The following PARD3B variants were observed in gnomAD, a reference collection of about 807,000 sequenced individuals.
PARD3B encodes par-3 family cell polarity regulator beta, also known as partitioning defective 3 homolog B.
Under a neutral mutation model 130.2 loss-of-function variants are expected in PARD3B, and 103 were observed. That is an observed-to-expected ratio of 0.79 (90% CI 0.67 to 0.93). The LOEUF is 0.93. Ranked by LOEUF, PARD3B falls within the 40% of genes least tolerant of loss-of-function variation. The pLI, the probability that PARD3B is intolerant of heterozygous loss-of-function variation, is 0.00. For missense variants in PARD3B, 1,609 were observed against 1,499.2 expected (o/e 1.07, Z -1.21); for synonymous variants, 583 against 553.2 (o/e 1.05, Z -0.76).
At chr2:205,044,656 T>G (rs1698641177) in intron 3 of PARD3B, among the ~76,000 whole-genome samples, 1 of 152,206 alleles carries the variant, frequency 6.6e-6, no homozygotes, top group African/African-American at 2.4e-5. Flanking sequence ...TGGGGTTGTT[T>G]TTTTCTTGTA....
Position 205,345,788 on chromosome 2 carries a change from A to G in PARD3B, c.2630+44087A>G, listed in dbSNP as rs2043731538. ...TTCTCTGGAGAAACTGAATAGTTAC[A>G]AGGGCACAGTGGCAATTATGATGCT... is the stretch of plus-strand genomic sequence containing the variant. On this transcript the variant is annotated intron_variant, in intron 18 of 22. Coordinates refer to ENST00000406610, the MANE Select transcript of PARD3B (RefSeq NM_001302769.2). 2.9e-5 allele frequency among the ~76,000 whole-genome samples: 2 copies of G among 68,786 alleles called. 1 individual carries two copies. Among genetic ancestry groups the G allele is most frequent in the African/African-American group, 6.6e-5 (2 of 30,488 alleles). The allele number at this position is 68,786 out of a possible 152,430, so 45.1% of individuals were successfully genotyped here. A position where few individuals can be genotyped will look rare whatever the true frequency, so the allele number is the denominator to read the frequency against.
In PARD3B at chr2:205,116,672, A is replaced by G. The variant is rs2029871106; in HGVS notation, c.681-2249A>G. On this transcript the variant is annotated intron_variant, in intron 6 of 22. Transcript: ENST00000406610. The surrounding 1 kb of genome is among the most constrained non-coding windows in gnomAD (Gnocchi z 4.5). ...GAGGATAATGAGGTATTGTTTTCTGAGCCTTCTTGTATTGGTCTGGATGAA... is the reference window on the plus strand; with the variant it reads ...GAGGATAATGAGGTATTGTTTTCTGGGCCTTCTTGTATTGGTCTGGATGAA... Among the ~76,000 whole-genome samples, 1 of 152,110 alleles carries G rather than the reference A, an allele frequency of 6.6e-6. No homozygotes were observed. The highest frequency in any genetic ancestry group is 2.4e-5 in the African/African-American group (1 of 41,424).
chr2:205,182,969 G>A (rs1465932124), intron 13 of PARD3B, among the ~76,000 whole-genome samples: 1 of 152,194 alleles, frequency 6.6e-6, no homozygotes, highest in East Asian at 1.9e-4. Context: ...TAGGGACAAA[G>A]AGGCCCTAGC....
chr2:205,031,849 C>A (rs1368679209), intron 3 of PARD3B, among the ~76,000 whole-genome samples: 1 of 152,148 alleles, frequency 6.6e-6, no homozygotes, highest in Admixed American at 6.6e-5. Context: ...TAAGCTTTCT[C>A]GTTCTGATAA....
At position 205,036,513 on chromosome 2, in the gene PARD3B, AATAT is replaced by A. The variant is rs756008004; in HGVS notation, c.395-11060_395-11057del. Among the ~76,000 whole-genome samples the A allele has an allele frequency of 6.3e-4, 93 of 148,718 alleles. 2 individuals are homozygous for A. Among genetic ancestry groups the A allele is most frequent in the Admixed American group, 2.8e-3 (41 of 14,758 alleles). ...AACATATAGCAGACTATATATAAAA[AATAT>A]ATATATAGCAGACTATATATACAAA... is the stretch of plus-strand genomic sequence containing the variant. On this transcript the variant is annotated intron_variant, in intron 3 of 22. Coordinates refer to ENST00000406610, the MANE Select transcript of PARD3B (RefSeq NM_001302769.2).
chr2:205,190,606 G>A (rs1228000787), intron 14 of PARD3B, among the ~76,000 whole-genome samples: 1 of 152,124 alleles, frequency 6.6e-6, no homozygotes, highest in African/African-American at 2.4e-5. Flanking sequence ...TCCCAGCTTT[G>A]CCCCTGGCCA....
chr2:205,101,438 A>G (rs570401877), intron 4 of PARD3B, among the ~76,000 whole-genome samples: 2 of 152,338 alleles, frequency 1.3e-5, no homozygotes, highest in South Asian at 4.1e-4. Flanking sequence ...GCTGGTAAGA[A>G]TGGCAAATTA....
rs1474523948 is a variant in PARD3B, at chr2:205,563,665, A to G, written c.3260+10262A>G. Among the ~76,000 whole-genome samples the G allele has an allele frequency of 6.6e-6, 1 of 150,730 alleles. No homozygotes were observed. Among genetic ancestry groups the G allele is most frequent in the Non-Finnish European group, 1.5e-5 (1 of 67,508 alleles). ...CCTACGGGTTGTAAAAAAAAAAAGT[A>G]ATAAAATACAAGAAAATAGTAGGGA... On this transcript the variant is annotated intron_variant, in intron 22 of 22. Coordinates refer to ENST00000406610, the MANE Select transcript of PARD3B (RefSeq NM_001302769.2). This position sits in a 1 kb window ranked among gnomAD's most constrained non-coding sequence, Gnocchi z 4.2.
rs1158362102 is a variant in PARD3B, at chr2:204,749,737, G to T, written c.222+63455G>T. ...AAAAACATGTGGGCTAACTGGGCTT[G>T]CGAAGATTCTAATATAATACTTTCT... On this transcript the variant is annotated intron_variant, in intron 2 of 22. Coordinates refer to ENST00000406610, the MANE Select transcript of PARD3B (RefSeq NM_001302769.2). Among the ~76,000 whole-genome samples the T allele has an allele frequency of 2.6e-5, 4 of 152,246 alleles. No homozygotes were observed. The East Asian group carries it at 7.7e-4, about 29-fold the overall frequency.
At chr2:205,279,111 C>T (rs2041089514) in intron 16 of PARD3B, among the ~76,000 whole-genome samples, 1 of 142,384 alleles carries the variant, frequency 7.0e-6, no homozygotes, top group Non-Finnish European at 1.5e-5. Context: ...TGTTCATTGC[C>T]CAATCTCTTT....
chr2:205,275,907 A>T (rs986482135), intron 16 of PARD3B, among the ~76,000 whole-genome samples: 1 of 150,474 alleles, frequency 6.6e-6, no homozygotes, highest in Non-Finnish European at 1.5e-5. Context: ...TTTAGCAGGG[A>T]TCTTTTCATA....
intron 22 of PARD3B, among the ~76,000 whole-genome samples, chr2:205,565,259 G>A (rs1457820382): frequency 6.6e-6 from 1 of 152,180 alleles, no homozygotes; most frequent in Non-Finnish European, 1.5e-5. Flanking sequence ...AAATAAGCAT[G>A]TTGAGCTATT....
At chr2:204,745,844 C>A (rs2040201047) in intron 2 of PARD3B, among the ~76,000 whole-genome samples, 1 of 152,054 alleles carries the variant, frequency 6.6e-6, no homozygotes, top group African/African-American at 2.4e-5. Context: ...TATTCACTTG[C>A]TGAATTCCGC....
intron 6 of PARD3B, among the ~76,000 whole-genome samples, chr2:205,118,523 GTGAATATCCTAA>G (rs1277138395): frequency 6.6e-6 from 1 of 152,176 alleles, no homozygotes; most frequent in Non-Finnish European, 1.5e-5. Context: ...AAATGTTACT[GTGAATATCCTAA>G]TGCTCTCCCA....
intron 1 of PARD3B, among the ~76,000 whole-genome samples, chr2:204,685,818 T>G (rs1196517703): frequency 2.0e-5 from 3 of 152,198 alleles, no homozygotes. Context: ...TGGACTTTTA[T>G]TCCTAGTTTC....
In PARD3B at chr2:205,568,028, T is replaced by G. The variant is rs1183963762; in HGVS notation, c.3260+14625T>G. 6.6e-6 allele frequency among the ~76,000 whole-genome samples: 1 copy of G among 152,130 alleles called. No individual in the cohort carries two copies. Among genetic ancestry groups the G allele is most frequent in the Non-Finnish European group, 1.5e-5 (1 of 68,016 alleles). Reference sequence around the variant, plus strand: ...TTGGTTAAGAGTTGTTCCTAAGATATCAACTCCCCAGCACTTCTTCCTGTC... The same window carrying G: ...TTGGTTAAGAGTTGTTCCTAAGATAGCAACTCCCCAGCACTTCTTCCTGTC... On this transcript the variant is annotated intron_variant, in intron 22 of 22. Coordinates refer to ENST00000406610, the MANE Select transcript of PARD3B (RefSeq NM_001302769.2). This position sits in a 1 kb window ranked among gnomAD's most constrained non-coding sequence, Gnocchi z 5.3.
intron 1 of PARD3B, among the ~76,000 whole-genome samples, chr2:204,617,808 G>C (rs1174440349): frequency 3.3e-5 from 5 of 152,144 alleles, no homozygotes; most frequent in Admixed American, 3.3e-4. Flanking sequence ...TTGGTTTTCT[G>C]TTCCTGTGTT....
At chr2:205,118,517 G>A (rs1340749067) in intron 6 of PARD3B, among the ~76,000 whole-genome samples, 1 of 152,182 alleles carries the variant, frequency 6.6e-6, no homozygotes, top group Admixed American at 6.5e-5. Flanking sequence ...CTGCAAAAAT[G>A]TTACTGTGAA....
At chr2:205,349,042 A>T (rs1439011310) in intron 18 of PARD3B, among the ~76,000 whole-genome samples, 1 of 152,192 alleles carries the variant, frequency 6.6e-6, no homozygotes, top group Non-Finnish European at 1.5e-5. Context: ...TGCATCAAAG[A>T]TCATAATGTG....
Sources: allele counts gnomAD v4.1 joint callset (sites outside exome capture counted in the v4.1 genomes callset), GRCh38; gene constraint gnomAD v4.1.1; non-coding constraint Gnocchi (gnomAD v3.1); transcripts MANE v1.5; gene names NCBI Gene and HGNC (gene_info 2026-07-23, HGNC 2026-07-21).